QTMAN: variants seen among roughly 807,000 people sequenced by gnomAD.
The protein encoded by QTMAN is queuosine-tRNA mannosyltransferase.
the QTMAN span, among the ~76,000 whole-genome samples, chr2:144,147,729 T>C: frequency 1.3e-5 from 2 of 151,762 alleles, no homozygotes; most frequent in South Asian, 2.1e-4. Flanking sequence ...TTACAAAAAA[T>C]ATACCTTTTA....
At chr2:144,105,979 C>A in the QTMAN span, among the ~76,000 whole-genome samples, 3 of 152,228 alleles carry the variant, frequency 2.0e-5, no homozygotes, top group East Asian at 5.8e-4. Flanking sequence ...TAATTTTCAA[C>A]CCAGAATTTC....
At chr2:144,145,434 A>G in the QTMAN span, 1 of 544,680 alleles carries the variant, frequency 1.8e-6, no homozygotes, top group African/African-American at 1.9e-5. Flanking sequence ...CAGAAGGAAG[A>G]ATTGTTTAAA....
chr2:144,256,146 C>T, the QTMAN span, among the ~76,000 whole-genome samples: 3 of 152,052 alleles, frequency 2.0e-5, no homozygotes, highest in Non-Finnish European at 2.9e-5. Context: ...AAAAATGCAC[C>T]TTTTCCTTAA....
the QTMAN span, among the ~76,000 whole-genome samples, chr2:144,102,422 T>A: frequency 6.6e-6 from 1 of 152,242 alleles, no homozygotes; most frequent in Non-Finnish European, 1.5e-5. Flanking sequence ...TTTATTTAAG[T>A]AACTTTATGG....
the QTMAN span, among the ~76,000 whole-genome samples, chr2:144,107,750 T>A: frequency 2.6e-5 from 4 of 152,234 alleles, no homozygotes; most frequent in Admixed American, 2.6e-4. Flanking sequence ...CCTAACTCAT[T>A]TTATGAGGCC....
the QTMAN span, among the ~76,000 whole-genome samples, chr2:143,990,960 T>C: frequency 1.3e-5 from 2 of 151,922 alleles, no homozygotes; most frequent in East Asian, 1.9e-4. Context: ...ATTTGAGAAA[T>C]TTAAAAAAAT....
At chr2:144,229,738 A>G in the QTMAN span, among the ~76,000 whole-genome samples, 1 of 152,234 alleles carries the variant, frequency 6.6e-6, no homozygotes, top group African/African-American at 2.4e-5. Flanking sequence ...AACTCTGGGT[A>G]TAGGTAATTC....
At chr2:144,250,810 G>C in the QTMAN span, among the ~76,000 whole-genome samples, 1 of 145,738 alleles carries the variant, frequency 6.9e-6, no homozygotes, top group Non-Finnish European at 1.5e-5. Context: ...CCAATATCTA[G>C]CTCAATTCAT....
the QTMAN span, among the ~76,000 whole-genome samples, chr2:144,228,800 A>G: frequency 8.5e-5 from 13 of 152,158 alleles, no homozygotes; most frequent in Non-Finnish European, 1.6e-4. Context: ...CTCTACTAAA[A>G]ATACAAAATT....
chr2:144,258,258 G>T, the QTMAN span, among the ~76,000 whole-genome samples: 2 of 149,044 alleles, frequency 1.3e-5, no homozygotes. Flanking sequence ...CAGAACAAAT[G>T]AAAGAGGAAA....
chr2:144,146,332 G>T, the QTMAN span, among the ~76,000 whole-genome samples: 1 of 150,190 alleles, frequency 6.7e-6, no homozygotes, highest in East Asian at 2.0e-4. Flanking sequence ...CTCCATTACT[G>T]GACTGCTAAT....
chr2:144,305,432 GCTTTCAATT>G, the QTMAN span, among the ~76,000 whole-genome samples: 2 of 152,030 alleles, frequency 1.3e-5, no homozygotes, highest in Non-Finnish European at 2.9e-5. Flanking sequence ...TTAATTCTGG[GCTTTCAATT>G]ATATTCCAGT....
chr2:144,228,319 GAA>G, the QTMAN span, among the ~76,000 whole-genome samples: 1 of 151,634 alleles, frequency 6.6e-6, no homozygotes, highest in African/African-American at 2.4e-5. Context: ...TTACTAGCTA[GAA>G]AAAAAAGAAT....
chr2:144,104,719 C>T, the QTMAN span, among the ~76,000 whole-genome samples: 1 of 152,216 alleles, frequency 6.6e-6, no homozygotes, highest in African/African-American at 2.4e-5. Context: ...GAAACCTCTG[C>T]AGACATAAAT....
At chr2:143,982,201 T>G in the QTMAN span, among the ~76,000 whole-genome samples, 3 of 152,120 alleles carry the variant, frequency 2.0e-5, no homozygotes, top group South Asian at 4.2e-4. Flanking sequence ...TGCTAGTGAG[T>G]ATCGAACAAT....
chr2:144,015,253 GAAC>G, the QTMAN span, among the ~76,000 whole-genome samples: 2 of 151,966 alleles, frequency 1.3e-5, no homozygotes, highest in Admixed American at 6.6e-5. Context: ...AGCTCTCTAA[GAAC>G]AACAACAAAA....
the QTMAN span, among the ~76,000 whole-genome samples, chr2:144,224,521 T>C: frequency 2.6e-5 from 4 of 152,076 alleles, no homozygotes; most frequent in African/African-American, 7.2e-5. Flanking sequence ...AGGGCACCTA[T>C]AAAGAAAAAT....
At chr2:144,120,859 T>C in the QTMAN span, among the ~76,000 whole-genome samples, 1 of 152,174 alleles carries the variant, frequency 6.6e-6, no homozygotes, top group Non-Finnish European at 1.5e-5. Flanking sequence ...TTGATTATAA[T>C]AGTGTTTCAT....
chr2:144,078,293 T>C, the QTMAN span, among the ~76,000 whole-genome samples: 127 of 152,330 alleles, frequency 8.3e-4, 1 homozygote, highest in Admixed American at 2.5e-3. Context: ...CTGGTGTCAC[T>C]ATAGTCCTAC....
Sources: allele counts gnomAD v4.1 joint callset (sites outside exome capture counted in the v4.1 genomes callset), GRCh38; gene constraint gnomAD v4.1.1; transcripts MANE v1.5; gene names NCBI Gene and HGNC (gene_info 2026-07-23, HGNC 2026-07-21).